The following VAV3 variants were observed in gnomAD, a reference collection of about 807,000 sequenced individuals.
VAV3 encodes guanine nucleotide exchange factor VAV3.
Under a neutral mutation model 131.2 loss-of-function variants are expected in VAV3, and 94 were observed. That is an observed-to-expected ratio of 0.72 (90% CI 0.61 to 0.85). The LOEUF is 0.85. VAV3 is among the 40% of genes least tolerant of loss of function. The probability of loss-of-function intolerance (pLI) is 0.00; values close to 1 mark genes in which losing one functional copy is unlikely to be tolerated. For synonymous variants in VAV3, 349 were observed against 342.0 expected (o/e 1.02, Z -0.22); for missense variants, 939 against 1,002.7 (o/e 0.94, Z 0.86).
In VAV3 at chr1:107,578,047, A is replaced by G. The variant is rs542557506; in HGVS notation, c.2351-3849T>C. ...TTCTTCCAAAGTTAATACTCTTGTC[A>G]TGAAAGGGTCCTAGTGATATTTGTG... On this transcript the variant is annotated intron_variant, in intron 25 of 26. Transcript: ENST00000370056. Among the ~76,000 whole-genome samples the G allele has an allele frequency of 9.8e-5, 15 of 152,332 alleles. No individual in the cohort carries two copies. In the South Asian group the frequency reaches 3.1e-3, roughly 32 times the overall value.
chr1:107,950,237 C>A (rs1201778900), intron 1 of VAV3, among the ~76,000 whole-genome samples: 5 of 152,198 alleles, frequency 3.3e-5, no homozygotes, highest in Admixed American at 6.5e-5. Flanking sequence ...TACTTCAAGA[C>A]CCAAAACTCT....
chr1:107,779,724 A>C (rs924963372), intron 2 of VAV3, among the ~76,000 whole-genome samples: 2 of 152,108 alleles, frequency 1.3e-5, no homozygotes, highest in African/African-American at 4.8e-5. Context: ...GTAGATTACT[A>C]ACCCATTTGA....
At chr1:107,897,668 T>G (rs961717820) in intron 1 of VAV3, among the ~76,000 whole-genome samples, 2 of 152,080 alleles carry the variant, frequency 1.3e-5, no homozygotes, top group African/African-American at 4.8e-5. Flanking sequence ...ACTCAGTAAG[T>G]GCATAAACCA....
intron 21 of VAV3, among the ~76,000 whole-genome samples, chr1:107,610,294 A>G (rs1652633541): frequency 6.6e-6 from 1 of 152,220 alleles, no homozygotes; most frequent in Non-Finnish European, 1.5e-5. Flanking sequence ...TGAAAACGTT[A>G]TTAAGAAAAC....
At chr1:107,770,845 T>C in intron 5 of VAV3, 117 bp from the exon 6 acceptor site, 1 of 746,862 alleles carries the variant, frequency 1.3e-6, no homozygotes, top group Admixed American at 2.8e-5. Context: ...ATACAACACA[T>C]AATTGAAAGA....
At chr1:107,815,463 G>T (rs1667524317) in intron 2 of VAV3, among the ~76,000 whole-genome samples, 1 of 152,210 alleles carries the variant, frequency 6.6e-6, no homozygotes, top group East Asian at 1.9e-4. Context: ...CAAATTCAAT[G>T]ATGTGATTTT....
rs1658785425 is a variant in VAV3 at position 107,683,429 on chromosome 1, A to T, written c.1777+59T>A. ...CCTCACTTTCCACAGCAATTCCCAT[A>T]TCCTTTCATAAGCACTTAGCTGAAG... On this transcript the variant is annotated intron_variant, in intron 19 of 26. Coordinates refer to ENST00000370056, the MANE Select transcript of VAV3 (RefSeq NM_006113.5). 5 of 1,588,978 alleles carry T rather than the reference A, an allele frequency of 3.1e-6. No homozygotes were observed. In the Admixed American group the frequency reaches 5.0e-5, roughly 16 times the overall value.
rs773571849 is a variant in VAV3 at position 107,642,700 on chromosome 1, C to T, written c.1833G>A (p.Leu611=). 6.2e-7 allele frequency: 1 copy of T among 1,613,274 alleles called. No homozygotes were observed. ...RNYSGTPPPA[L]HEGPPLQLQA... is the part of the protein sequence containing the mutation. ...GGAGCTGTAAAGGGGGTCCTTCATG[C>T]AGAGCTGGGGGTGGTGTTCCAGAAT... The change falls in exon 20 of 27, where the codon CTG becomes CTA. Residue 611 remains leucine, a synonymous_variant. Transcript: ENST00000370056.
At chr1:107,934,888 G>T (rs1311700299) in intron 1 of VAV3, among the ~76,000 whole-genome samples, 2 of 152,218 alleles carry the variant, frequency 1.3e-5, no homozygotes, top group Non-Finnish European at 2.9e-5. Context: ...GAGGAGACGT[G>T]CTACAAGAAA....
chr1:107,582,620 T>A (rs1230618515), intron 25 of VAV3, among the ~76,000 whole-genome samples: 1 of 142,092 alleles, frequency 7.0e-6, no homozygotes, highest in African/African-American at 2.6e-5. Context: ...TGTCCATGTG[T>A]TCTCATTGTT....
chr1:107,868,743 C>A (rs553507374), intron 2 of VAV3, among the ~76,000 whole-genome samples: 1 of 152,142 alleles, frequency 6.6e-6, no homozygotes, highest in African/African-American at 2.4e-5. Context: ...TTGCTTGGAA[C>A]TTCGGTAATA....
intron 2 of VAV3, among the ~76,000 whole-genome samples, chr1:107,850,898 T>C (rs1455802278): frequency 6.6e-6 from 1 of 151,992 alleles, no homozygotes; most frequent in Admixed American, 6.6e-5. Context: ...GGCTGCATAG[T>C]GGGAAACCAA....
intron 1 of VAV3, among the ~76,000 whole-genome samples, chr1:107,931,478 C>A (rs192968513): frequency 6.6e-6 from 1 of 152,056 alleles, no homozygotes; most frequent in African/African-American, 2.4e-5. Context: ...AATGTGATAA[C>A]CTAGATAACC....
intron 24 of VAV3, 88 bp from the exon 25 acceptor site, chr1:107,596,429 A>T: frequency 7.0e-7 from 1 of 1,430,086 alleles, no homozygotes; most frequent in Non-Finnish European, 9.5e-7. Context: ...TACAATAAGG[A>T]TGACCAATTT....
intron 21 of VAV3, among the ~76,000 whole-genome samples, chr1:107,616,179 A>G (rs148859459): frequency 5.9e-5 from 9 of 152,238 alleles, no homozygotes; most frequent in East Asian, 1.9e-4. Flanking sequence ...ATTCACAAAC[A>G]TGGAATCAAT....
chr1:107,782,657 T>A (rs1665756075), intron 2 of VAV3, among the ~76,000 whole-genome samples: 1 of 152,226 alleles, frequency 6.6e-6, no homozygotes. Flanking sequence ...ACTGAGTCCA[T>A]CCGTTAACTC....
intron 15 of VAV3, among the ~76,000 whole-genome samples, chr1:107,735,146 T>C (rs1358887338): frequency 6.6e-6 from 1 of 152,220 alleles, no homozygotes; most frequent in Non-Finnish European, 1.5e-5. Context: ...ATAAACATGT[T>C]CTTTGAAACC....
intron 2 of VAV3, among the ~76,000 whole-genome samples, chr1:107,858,112 C>T (rs1669557644): frequency 6.6e-6 from 1 of 152,130 alleles, no homozygotes; most frequent in African/African-American, 2.4e-5. Flanking sequence ...ATTCTTTTCA[C>T]TCTTAAGTGA....
chr1:107,922,260 A>G (rs923491223), intron 1 of VAV3, among the ~76,000 whole-genome samples: 1 of 145,228 alleles, frequency 6.9e-6, no homozygotes, highest in African/African-American at 2.6e-5. Flanking sequence ...TGCCAAAAAA[A>G]CCTCCATAAG....
Sources: gnomAD v4.1 joint callset for allele counts (sites outside exome capture counted in the v4.1 genomes callset) on GRCh38, gnomAD v4.1.1 for gene constraint, MANE v1.5 for transcripts, NCBI Gene and HGNC (gene_info 2026-07-23, HGNC 2026-07-21) for gene names.